The following ERP44 variants were observed in gnomAD, a reference collection of about 807,000 sequenced individuals.
The protein encoded by ERP44 is endoplasmic reticulum protein 44, also known as endoplasmic reticulum resident protein 44.
Under a neutral mutation model 53.4 loss-of-function variants are expected in ERP44, and 25 were observed. That is an observed-to-expected ratio of 0.47 (90% confidence interval 0.34 to 0.65). ERP44 has a LOEUF of 0.65. Among genes scored for constraint, ERP44 ranks in the 30% least tolerant of loss-of-function variants. The pLI is 0.01. For synonymous variants in ERP44, 145 were observed against 161.2 expected, an observed-to-expected ratio of 0.90 and a Z score of 0.76; for missense variants, 338 against 493.2, an observed-to-expected ratio of 0.69 and a Z score of 2.98.
chr9:100,058,784 A>G (rs568633061), intron 2 of ERP44, among the ~76,000 whole-genome samples: 1 of 152,388 alleles, frequency 6.6e-6, no homozygotes, highest in East Asian at 1.9e-4. Flanking sequence ...TCAAGCACTC[A>G]TGAAAATAAA....
chr9:100,049,484 AC>A (rs1480822441), intron 4 of ERP44, among the ~76,000 whole-genome samples: 1 of 152,232 alleles, frequency 6.6e-6, no homozygotes, highest in Non-Finnish European at 1.5e-5. Context: ...CATCACAGAT[AC>A]ATGAATGTAT....
chr9:100,029,975 C>A (rs1267909284), intron 4 of ERP44, among the ~76,000 whole-genome samples: 1 of 152,132 alleles, frequency 6.6e-6, no homozygotes, highest in Non-Finnish European at 1.5e-5. Flanking sequence ...GTAGTTCCAG[C>A]TACTCAGGAG....
chr9:100,072,847 C>A (rs1826320934), intron 1 of ERP44, among the ~76,000 whole-genome samples: 1 of 152,182 alleles, frequency 6.6e-6, no homozygotes, highest in South Asian at 2.1e-4. Context: ...AGTCAATCAA[C>A]CTTAGAGGTA....
intron 10 of ERP44, among the ~76,000 whole-genome samples, chr9:99,988,866 A>C (rs1362656033): frequency 6.6e-6 from 1 of 152,242 alleles, no homozygotes; most frequent in Non-Finnish European, 1.5e-5. Context: ...CAAACGGCAC[A>C]CCAGGAGATT....
At chr9:100,071,280 C>CA (rs1826301409) in intron 1 of ERP44, among the ~76,000 whole-genome samples, 1 of 151,856 alleles carries the variant, frequency 6.6e-6, no homozygotes, top group Admixed American at 6.6e-5. Flanking sequence ...ATTCTTTAGC[C>CA]CTTTTACTAG....
Position 100,049,920 on chromosome 9 carries a change from G to T in ERP44, c.286+2497C>A, listed in dbSNP as rs544402197. Among the ~76,000 whole-genome samples the T allele has an allele frequency of 7.2e-5, 11 of 152,080 alleles. No homozygotes were observed. In the South Asian group the frequency reaches 1.5e-3, roughly 20 times the overall value. On this transcript the variant is annotated intron_variant, in intron 4 of 11. Transcript: ENST00000262455. ...GCAAGTCGAAACAACCCAAATGTCT[G>T]TCAGGAAGTGAACAGATAAACAAAT...
chr9:100,061,408 C>A (rs1390949514), intron 1 of ERP44, among the ~76,000 whole-genome samples: 2 of 150,916 alleles, frequency 1.3e-5, no homozygotes, highest in Non-Finnish European at 2.9e-5. Context: ...TGCACCACTG[C>A]ACTCCAGCCT....
intron 1 of ERP44, among the ~76,000 whole-genome samples, chr9:100,079,419 C>CAT (rs1203215791): frequency 1.1e-5 from 1 of 92,732 alleles, no homozygotes; most frequent in East Asian, 2.0e-4. Context: ...CCTTTACACA[C>CAT]ACACACACAC....
chr9:100,029,262 T>C (rs1360970089), intron 4 of ERP44, among the ~76,000 whole-genome samples: 1 of 152,068 alleles, frequency 6.6e-6, no homozygotes, highest in African/African-American at 2.4e-5. Flanking sequence ...TGAGAATTAG[T>C]GGAAATATCT....
chr9:99,991,487 C>T (rs932989244), intron 10 of ERP44, among the ~76,000 whole-genome samples: 1 of 151,938 alleles, frequency 6.6e-6, no homozygotes. Context: ...AGACAGTGTA[C>T]CAGGGTCTCT....
chr9:100,002,040 GT>G (rs1830383230), intron 10 of ERP44, among the ~76,000 whole-genome samples: 1 of 150,574 alleles, frequency 6.6e-6, no homozygotes, highest in Non-Finnish European at 1.5e-5. Context: ...TTATAATAGG[GT>G]TTTTAAAATT....
chr9:100,088,974 A>G (rs1452956256), intron 1 of ERP44, among the ~76,000 whole-genome samples: 3 of 152,256 alleles, frequency 2.0e-5, no homozygotes, highest in African/African-American at 4.8e-5. Flanking sequence ...TTAAAAATGT[A>G]GCACAGTCTT....
rs2118588920 is a variant in ERP44 at position 99,979,673 on chromosome 9, C to T, written c.*2939G>A. The T allele has an allele frequency of 3.0e-6, 1 of 335,704 alleles. No individual in the cohort carries two copies. The highest frequency in any genetic ancestry group is 4.5e-5 in the East Asian group (1 of 22,078). The allele number at this position is 335,704 out of a possible 1,614,324, so 20.8% of individuals were successfully genotyped here. On this transcript the variant is annotated 3_prime_UTR_variant, in exon 12 of 12. Coordinates refer to ENST00000262455, the MANE Select transcript of ERP44 (RefSeq NM_015051.3). ...GAAGCAGAAAGGCCCCCTTTTGGTT[C>T]TGGGGACTCAACCGTGTTCTTCAGT...
intron 4 of ERP44, among the ~76,000 whole-genome samples, chr9:100,035,347 G>C (rs560082570): frequency 6.6e-6 from 1 of 152,208 alleles, no homozygotes; most frequent in East Asian, 1.9e-4. Flanking sequence ...CTAATATCTA[G>C]AATCTATAAG....
chr9:99,999,462 C>T (rs1255424224), intron 10 of ERP44, among the ~76,000 whole-genome samples: 1 of 152,104 alleles, frequency 6.6e-6, no homozygotes, highest in East Asian at 1.9e-4. Flanking sequence ...TTTTCATATA[C>T]CTATTGGCCG....
At chr9:100,078,278 T>G (rs1368266137) in intron 1 of ERP44, among the ~76,000 whole-genome samples, 7 of 142,630 alleles carry the variant, frequency 4.9e-5, no homozygotes, top group South Asian at 2.3e-4. Flanking sequence ...GCCAACGTGG[T>G]GAAACTCTCT....
chr9:100,056,573 C>T lies in ERP44; in HGVS notation c.170+1247G>A, dbSNP rs188065779. Among the ~76,000 whole-genome samples, 163 of 152,234 alleles carry T rather than the reference C, an allele frequency of 1.1e-3. 1 individual carries two copies. Among genetic ancestry groups the T allele is most frequent in the South Asian group, 2.3e-3 (11 of 4,826 alleles). ...TAAGTATGGGTGTTACCGGAAATAA[C>T]AGAAGGGCTCCTAATCAGAGTCAAG... On this transcript the variant is annotated intron_variant, in intron 3 of 11. Transcript: ENST00000262455.
intron 1 of ERP44, among the ~76,000 whole-genome samples, chr9:100,072,212 T>G (rs949174869): frequency 6.6e-6 from 1 of 152,214 alleles, no homozygotes; most frequent in Non-Finnish European, 1.5e-5. Flanking sequence ...TCTTCATTAC[T>G]ACCACATAGT....
chr9:100,068,412 CGGG>C (rs1826255112), intron 1 of ERP44, among the ~76,000 whole-genome samples: 2 of 48,638 alleles, frequency 4.1e-5, no homozygotes, highest in Admixed American at 3.3e-4. Flanking sequence ...GGCCAGCCGC[CGGG>C]CCAGCCGCCC....
Sources: allele counts gnomAD v4.1 joint callset (sites outside exome capture counted in the v4.1 genomes callset), GRCh38; gene constraint gnomAD v4.1.1; transcripts MANE v1.5; gene names NCBI Gene and HGNC (gene_info 2026-07-23, HGNC 2026-07-21).